Variants in ACOT7 observed in about 807,000 individuals in gnomAD.
The protein encoded by ACOT7 is cytosolic acyl coenzyme A thioester hydrolase.
ACOT7 carries 12 observed loss-of-function variants against 40.2 expected under a neutral mutation model. The ratio of observed to expected loss-of-function variants is 0.30; its 90% CI spans 0.19 to 0.48. The LOEUF (loss-of-function observed/expected upper bound fraction) is 0.48. ACOT7 is among the 20% of genes least tolerant of loss of function. The pLI, the probability that ACOT7 is intolerant of heterozygous loss-of-function variation, is 0.99. For missense variants in ACOT7, 395 were observed against 530.8 expected, an observed-to-expected ratio of 0.74 and a Z score of 2.51; for synonymous variants, 228 against 219.5, an observed-to-expected ratio of 1.04 and a Z score of -0.34.
chr1:6,296,816 C>G (rs1472184336), intron 6 of ACOT7, among the ~76,000 whole-genome samples: 2 of 152,126 alleles, frequency 1.3e-5, no homozygotes, highest in African/African-American at 4.8e-5. Flanking sequence ...AAGTGATCCT[C>G]CTGCTTCAGC....
At chr1:6,390,260 A>T (rs942188726) in intron 1 of ACOT7, among the ~76,000 whole-genome samples, 1 of 152,224 alleles carries the variant, frequency 6.6e-6, no homozygotes, top group African/African-American at 2.4e-5. Flanking sequence ...CGTCTGGCCA[A>T]GGCAGCCACT....
chr1:6,336,107 C>A (rs1194195967), intron 3 of ACOT7, among the ~76,000 whole-genome samples: 1 of 152,104 alleles, frequency 6.6e-6, no homozygotes, highest in Non-Finnish European at 1.5e-5. Flanking sequence ...AGCACTCTGG[C>A]AGGCCGAGGC....
In ACOT7 at chr1:6,385,601, C is replaced by T. The variant is rs968624994; in HGVS notation, c.143+7656G>A. 8 of 1,612,234 alleles carry T rather than the reference C, an allele frequency of 5.0e-6. No individual in the cohort carries two copies. In the African/African-American group the frequency reaches 1.1e-4, roughly 22 times the overall value. ...GCCCCACACATCCCTGGCCAGCCACCAGCCTCCTGGAAGATGCCTGCCTCC... is the reference window on the plus strand; with the variant it reads ...GCCCCACACATCCCTGGCCAGCCACTAGCCTCCTGGAAGATGCCTGCCTCC... On this transcript the variant is annotated intron_variant, in intron 1 of 8. Transcript: ENST00000361521.
chr1:6,333,971 G>A (rs865991138), intron 3 of ACOT7, among the ~76,000 whole-genome samples: 1 of 152,188 alleles, frequency 6.6e-6, no homozygotes, highest in Admixed American at 6.5e-5. Context: ...GTTTAAGCCT[G>A]GATGGTCCGG....
intron 7 of ACOT7, among the ~76,000 whole-genome samples, chr1:6,292,024 G>A (rs3789500): frequency 0.094 from 14,381 of 152,268 alleles, 1,027 homozygotes; most frequent in African/African-American, 0.19. Flanking sequence ...TCCCTGCAAA[G>A]GACCTGGCAG....
Position 6,358,807 on chromosome 1 carries a change from T to C in ACOT7, c.144-8941A>G, listed in dbSNP as rs777515132. On this transcript the variant is annotated intron_variant, in intron 1 of 8. Coordinates refer to ENST00000361521, the MANE Select transcript of ACOT7 (RefSeq NM_007274.4). This position sits in a 1 kb window ranked among gnomAD's most constrained non-coding sequence, Gnocchi z 4.1. ...CAGTGGCCCCTGCACGGCCTAGACA[T>C]GCCCATGACTGGCAGTACCTGCTCA... 1.2e-6 allele frequency: 2 copies of C among 1,612,318 alleles called. No individual in the cohort carries two copies. The highest frequency in any genetic ancestry group is 2.2e-5 in the East Asian group (1 of 44,844).
At chr1:6,327,659 C>T (rs1194174499) in intron 4 of ACOT7, among the ~76,000 whole-genome samples, 1 of 152,236 alleles carries the variant, frequency 6.6e-6, no homozygotes. Context: ...TTAATGCCTA[C>T]AAATATATAA....
chr1:6,268,080 G>A (rs574694266), intron 8 of ACOT7, among the ~76,000 whole-genome samples: 1 of 152,334 alleles, frequency 6.6e-6, no homozygotes, highest in South Asian at 2.1e-4. Flanking sequence ...GCGGTTGCCT[G>A]GGGCTGGGGG....
rs867468554 is a variant in ACOT7 at position 6,273,743 on chromosome 1, G to A, written c.1014+7359C>T. ...GAAGCCAGTGTAAGAGCCCGCACAC[G>A]GGCGCAGCGGTGCCCATCCCAGGGC... On this transcript the variant is annotated intron_variant, in intron 8 of 8. Coordinates refer to ENST00000361521, the MANE Select transcript of ACOT7 (RefSeq NM_007274.4). 5.3e-5 allele frequency among the ~76,000 whole-genome samples: 8 copies of A among 152,352 alleles called. No individual in the cohort carries two copies. In the South Asian group the frequency reaches 1.4e-3, roughly 28 times the overall value.
intron 5 of ACOT7, among the ~76,000 whole-genome samples, chr1:6,327,004 T>C (rs1330335913): frequency 1.3e-5 from 2 of 151,384 alleles, no homozygotes; most frequent in African/African-American, 4.9e-5. Context: ...AACAAATTCC[T>C]TGTGAACAGG....
chr1:6,314,512 C>T (rs1478633591), intron 6 of ACOT7, among the ~76,000 whole-genome samples: 12 of 151,798 alleles, frequency 7.9e-5, no homozygotes, highest in Admixed American at 7.9e-4. Context: ...CCGGCTGACC[C>T]CCAAGAACTT....
intron 8 of ACOT7, among the ~76,000 whole-genome samples, chr1:6,267,609 T>C (rs912011880): frequency 3.3e-5 from 5 of 152,234 alleles, no homozygotes; most frequent in Middle Eastern, 3.2e-3. Flanking sequence ...CAATAAACAA[T>C]GCACACTGGG....
At chr1:6,364,402 G>T (rs563072827) in intron 1 of ACOT7, among the ~76,000 whole-genome samples, 1 of 151,944 alleles carries the variant, frequency 6.6e-6, no homozygotes, top group Non-Finnish European at 1.5e-5. Flanking sequence ...TTAGCTGGGC[G>T]TGATGGTGCA....
chr1:6,362,836 G>A (rs2148467607), intron 1 of ACOT7, among the ~76,000 whole-genome samples: 1 of 152,242 alleles, frequency 6.6e-6, no homozygotes, highest in Middle Eastern at 3.4e-3. Context: ...GATGGCTAGA[G>A]CTCAGGAGCT....
At chr1:6,374,999 C>T (rs55915907) in intron 1 of ACOT7, among the ~76,000 whole-genome samples, 1,790 of 152,230 alleles carry the variant, frequency 0.012, 41 homozygotes, top group African/African-American at 0.04. Flanking sequence ...GGAGACAGGC[C>T]GGGCGCGGTG....
intron 1 of ACOT7, among the ~76,000 whole-genome samples, chr1:6,378,038 CCAGCCTGGGCGA>C (rs1443019087): frequency 6.6e-6 from 1 of 152,048 alleles, no homozygotes; most frequent in Non-Finnish European, 1.5e-5. Flanking sequence ...CCACTGCACT[CCAGCCTGGGCGA>C]CAGAGCAAGA....
chr1:6,290,950 G>T (rs900149203), intron 7 of ACOT7, among the ~76,000 whole-genome samples: 5 of 152,184 alleles, frequency 3.3e-5, no homozygotes, highest in African/African-American at 1.2e-4. Flanking sequence ...CCTTAGAGTG[G>T]CCCCTTCTCC....
At chr1:6,279,849 G>C (rs543137185) in intron 8 of ACOT7, among the ~76,000 whole-genome samples, 1 of 152,316 alleles carries the variant, frequency 6.6e-6, no homozygotes, top group South Asian at 2.1e-4. Context: ...GAGGGGCTTG[G>C]AGGGGCCTCA....
chr1:6,309,976 G>A (rs1429035125), intron 6 of ACOT7, among the ~76,000 whole-genome samples: 1 of 152,192 alleles, frequency 6.6e-6, no homozygotes, highest in Non-Finnish European at 1.5e-5. Context: ...CTGGTGGGGA[G>A]GAGAGAAAGG....
Sources: allele counts gnomAD v4.1 joint callset (sites outside exome capture counted in the v4.1 genomes callset), GRCh38; gene constraint gnomAD v4.1.1; non-coding constraint Gnocchi (gnomAD v3.1); transcripts MANE v1.5; gene names NCBI Gene and HGNC (gene_info 2026-07-23, HGNC 2026-07-21).